PAG1: variants seen among roughly 807,000 people sequenced by gnomAD.
The protein encoded by PAG1 is phosphoprotein membrane anchor with glycosphingolipid microdomains 1.
A neutral mutation model predicts 31.7 loss-of-function variants in PAG1; 23 were observed. The ratio of observed to expected loss-of-function variants is 0.73; its 90% CI spans 0.52 to 1.03. The LOEUF (loss-of-function observed/expected upper bound fraction) is 1.03. Ranked by LOEUF, PAG1 falls within the 50% of genes least tolerant of loss-of-function variation. The pLI is 0.00. For synonymous variants in PAG1, 214 were observed against 210.3 expected (o/e 1.02, Z -0.15); for missense variants, 473 against 540.7 (o/e 0.87, Z 1.24).
intron 1 of PAG1, among the ~76,000 whole-genome samples, chr8:81,082,561 T>A (rs1809287026): frequency 6.6e-6 from 1 of 152,178 alleles, no homozygotes; most frequent in African/African-American, 2.4e-5. Context: ...ATGGTAAATG[T>A]CAAGTGTAGT....
intron 3 of PAG1, among the ~76,000 whole-genome samples, chr8:81,016,315 C>A (rs561954998): frequency 1.2e-4 from 18 of 152,146 alleles, no homozygotes; most frequent in Non-Finnish European, 2.6e-4. Context: ...GTAATTTGTT[C>A]AAGGCAAACT....
rs1809779402 is a variant in PAG1, at chr8:81,111,802, G to GCT, written c.-446_-445insAG. On this transcript the variant is annotated 5_prime_UTR_variant, in exon 1 of 9. Transcript: ENST00000220597. ...CACGACTCAGCGAGGCGGCGGCTGG[G>GCT]ACTGAGGCTACTGCACCCGGCCGCG... 6.6e-6 allele frequency: 1 copy of GCT among 152,306 alleles called. No homozygotes were observed. The highest frequency in any genetic ancestry group is 2.4e-5 in the African/African-American group (1 of 41,458). 9.4% of individuals were successfully genotyped at this position (152,306 alleles called of 1,614,324 possible).
Position 81,037,411 on chromosome 8 carries a change from A to T in PAG1, c.-174-7322T>A, listed in dbSNP as rs187819254. 3.9e-5 allele frequency: 6 copies of T among 152,360 alleles called. No homozygotes were observed. The East Asian group carries it at 9.6e-4, about 24-fold the overall frequency. 9.4% of individuals were successfully genotyped at this position (152,360 alleles called of 1,614,324 possible). A position where few individuals can be genotyped will look rare whatever the true frequency, so the allele number is the denominator to read the frequency against. ...GTATAAGCCTTATCCGTATGCATCC[A>T]TCCCAAGTGTGGCTTGGATATGAAT... On this transcript the variant is annotated intron_variant, in intron 2 of 8. Coordinates refer to ENST00000220597, the MANE Select transcript of PAG1 (RefSeq NM_018440.4).
In PAG1 at chr8:81,111,669, C is replaced by G. The variant is rs1321744200; in HGVS notation, c.-312G>C. On this transcript the variant is annotated 5_prime_UTR_variant, in exon 1 of 9. Coordinates refer to ENST00000220597, the MANE Select transcript of PAG1 (RefSeq NM_018440.4). ...CTGCAAACTCCGGCGCGCAGCGCCG[C>G]CGCCCCGGCACAGCCCGGCAGCAGC... 6.6e-6 allele frequency: 1 copy of G among 152,428 alleles called. No individual in the cohort carries two copies. The highest frequency in any genetic ancestry group is 1.5e-5 in the Non-Finnish European group (1 of 68,206). The allele number at this position is 152,428 out of a possible 1,614,324, so 9.4% of individuals were successfully genotyped here.
At chr8:80,977,424 G>C (rs1047934715) in intron 8 of PAG1, among the ~76,000 whole-genome samples, 7 of 152,282 alleles carry the variant, frequency 4.6e-5, no homozygotes, top group African/African-American at 1.7e-4. Flanking sequence ...CTCGGGGCTG[G>C]GGCCCAGCAA....
In PAG1 at chr8:81,092,629, C is replaced by T. The variant is rs115461268; in HGVS notation, c.-234+18962G>A. 9.0e-3 allele frequency among the ~76,000 whole-genome samples: 1,373 copies of T among 152,306 alleles called. 15 individuals are homozygous for T. The highest frequency in any genetic ancestry group is 0.03 in the African/African-American group (1,240 of 41,536). On this transcript the variant is annotated intron_variant, in intron 1 of 8. Transcript: ENST00000220597. ...ATCCCTCGTCATGGAACTAATTCAA[C>T]AAATGAAACAGCATTACAACTTTTA...
chr8:81,106,890 C>T (rs143466175), intron 1 of PAG1, among the ~76,000 whole-genome samples: 2 of 152,136 alleles, frequency 1.3e-5, no homozygotes, highest in South Asian at 4.1e-4. Flanking sequence ...CATAAGTGTT[C>T]GTTTCCTTTG....
At chr8:81,033,712 T>C (rs1345262133) in intron 2 of PAG1, among the ~76,000 whole-genome samples, 1 of 152,166 alleles carries the variant, frequency 6.6e-6, no homozygotes, top group Non-Finnish European at 1.5e-5. Flanking sequence ...GAACTCCAGT[T>C]CAGGATGTGT....
chr8:81,031,441 C>A (rs1325562514), intron 2 of PAG1, among the ~76,000 whole-genome samples: 5 of 152,216 alleles, frequency 3.3e-5, no homozygotes, highest in Non-Finnish European at 7.3e-5. Context: ...AAGCCTCCTT[C>A]TGAACCCCTG....
At chr8:80,980,578 T>C in intron 7 of PAG1, 84 bp from the exon 8 acceptor site, 1 of 846,264 alleles carries the variant, frequency 1.2e-6, no homozygotes, top group Non-Finnish European at 2.0e-6. Flanking sequence ...TCATAATCTG[T>C]CTAGCAACGT....
intron 7 of PAG1, among the ~76,000 whole-genome samples, chr8:80,980,953 G>T (rs1807288062): frequency 6.6e-6 from 1 of 152,120 alleles, no homozygotes; most frequent in Admixed American, 6.5e-5. Context: ...TTTGTGTCTT[G>T]CCCCCTGCCT....
At chr8:81,000,994 G>GA (rs1486802570) in intron 3 of PAG1, among the ~76,000 whole-genome samples, 1 of 152,164 alleles carries the variant, frequency 6.6e-6, no homozygotes, top group Non-Finnish European at 1.5e-5. Flanking sequence ...AAGGGGGCTG[G>GA]ACCTTCCATT....
At chr8:81,039,999 T>C (rs1429758866) in intron 2 of PAG1, among the ~76,000 whole-genome samples, 9 of 152,170 alleles carry the variant, frequency 5.9e-5, no homozygotes, top group Non-Finnish European at 1.3e-4. Context: ...TCAACCAAAA[T>C]TCCTAGGGAA....
chr8:81,070,939 A>C (rs1208080532), intron 1 of PAG1, among the ~76,000 whole-genome samples: 2 of 152,210 alleles, frequency 1.3e-5, no homozygotes, highest in Non-Finnish European at 2.9e-5. Flanking sequence ...TGGGTAGTTA[A>C]AGAATGAACC....
chr8:81,010,558 G>A (rs1807963959), intron 3 of PAG1, among the ~76,000 whole-genome samples: 2 of 152,162 alleles, frequency 1.3e-5, no homozygotes, highest in African/African-American at 4.8e-5. Context: ...TTAAGCGTAT[G>A]TCAAAGCTGA....
At position 80,968,271 on chromosome 8, in the gene PAG1, A is replaced by G. The variant is rs1450925164; in HGVS notation, c.*8273T>C. On this transcript the variant is annotated 3_prime_UTR_variant, in exon 9 of 9. Transcript: ENST00000220597. ...CTCTATTATTTCGTTTGTCCCCATA[A>G]CATCTCTATGAGGTAGGCAATGGTT... The G allele has an allele frequency of 6.6e-6, 1 of 152,238 alleles. No homozygotes were observed. The allele number at this position is 152,238 out of a possible 1,614,324, so 9.4% of individuals were successfully genotyped here.
intron 1 of PAG1, among the ~76,000 whole-genome samples, chr8:81,094,771 A>G (rs1046451824): frequency 5.3e-5 from 8 of 152,174 alleles, no homozygotes; most frequent in African/African-American, 1.7e-4. Flanking sequence ...GAGATTGACC[A>G]TGTTCACTCA....
chr8:80,987,678 T>C (rs915339524), intron 5 of PAG1: 3 of 492,200 alleles, frequency 6.1e-6, no homozygotes, highest in East Asian at 7.2e-5. Context: ...GAACCCTATA[T>C]AGACTATGTC....
intron 2 of PAG1, among the ~76,000 whole-genome samples, chr8:81,048,946 A>AAT (rs1322589653): frequency 6.6e-6 from 1 of 152,230 alleles, no homozygotes; most frequent in African/African-American, 2.4e-5. Context: ...ATACAGAGAA[A>AAT]ATAAAGCAAA....
Sources: allele counts gnomAD v4.1 joint callset (sites outside exome capture counted in the v4.1 genomes callset), GRCh38; gene constraint gnomAD v4.1.1; transcripts MANE v1.5; gene names NCBI Gene and HGNC (gene_info 2026-07-23, HGNC 2026-07-21).